BANP: variants seen among roughly 807,000 people sequenced by gnomAD.
The protein encoded by BANP is protein BANP.
In BANP, 11 loss-of-function variants were observed where a neutral mutation model predicts 68.1. The observed-to-expected ratio is 0.16, with a 90% CI of 0.10 to 0.27. The LOEUF is 0.27. Ranked by LOEUF, BANP falls within the 10% of genes least tolerant of loss-of-function variation. The pLI is 1.00. For synonymous variants in BANP, 329 were observed against 303.2 expected, an observed-to-expected ratio of 1.09 and a Z score of -0.88; for missense variants, 504 against 722.7, an observed-to-expected ratio of 0.70 and a Z score of 3.47.
At chr16:87,993,917 G>C (rs902735491) in intron 4 of BANP, among the ~76,000 whole-genome samples, 2 of 152,072 alleles carry the variant, frequency 1.3e-5, no homozygotes, top group African/African-American at 2.4e-5. Context: ...CTTTTTACTT[G>C]CACAGCACTA....
intron 8 of BANP, among the ~76,000 whole-genome samples, chr16:88,030,742 G>A (rs2078000495): frequency 1.3e-5 from 2 of 152,148 alleles, no homozygotes; most frequent in African/African-American, 2.4e-5. Context: ...GAGCTTCCTC[G>A]GAGCCCTTGT....
At chr16:88,014,040 C>A (rs574790791) in intron 6 of BANP, among the ~76,000 whole-genome samples, 1 of 152,168 alleles carries the variant, frequency 6.6e-6, no homozygotes, top group Non-Finnish European at 1.5e-5. Flanking sequence ...ACACTCCAGG[C>A]GGGAGATTCC....
intron 4 of BANP, among the ~76,000 whole-genome samples, chr16:87,991,522 C>G (rs563612345): frequency 6.6e-6 from 1 of 152,346 alleles, no homozygotes; most frequent in Non-Finnish European, 1.5e-5. Flanking sequence ...TATTCTGATT[C>G]ATGAACATGG....
At chr16:87,968,425 G>A (rs1364122674) in intron 1 of BANP, among the ~76,000 whole-genome samples, 1 of 150,050 alleles carries the variant, frequency 6.7e-6, no homozygotes, top group Non-Finnish European at 1.5e-5. Flanking sequence ...CAGAGGTTGC[G>A]GTGAGCTGAG....
At chr16:88,067,395 A>C (rs1188386630) in intron 12 of BANP, among the ~76,000 whole-genome samples, 4 of 151,986 alleles carry the variant, frequency 2.6e-5, no homozygotes. Flanking sequence ...GGCCTCCCTC[A>C]GGGAGGAGAC....
chr16:87,993,994 T>C (rs572553169), intron 4 of BANP, among the ~76,000 whole-genome samples: 8 of 148,418 alleles, frequency 5.4e-5, no homozygotes, highest in African/African-American at 1.6e-4. Context: ...TCTCCGTGAA[T>C]TGAAAGATGA....
chr16:87,971,704 A>G (rs1356633560), intron 1 of BANP, among the ~76,000 whole-genome samples: 1 of 151,078 alleles, frequency 6.6e-6, no homozygotes, highest in Non-Finnish European at 1.5e-5. Flanking sequence ...GTTGTAGTGT[A>G]TTATTTTAAC....
chr16:88,074,046 T>G (rs976809188), intron 13 of BANP, among the ~76,000 whole-genome samples: 10 of 152,222 alleles, frequency 6.6e-5, no homozygotes. Flanking sequence ...CAGGGTGCGT[T>G]AGCTTGTCAC....
chr16:87,952,976 T>A (rs1157490992), intron 1 of BANP, among the ~76,000 whole-genome samples: 1 of 152,136 alleles, frequency 6.6e-6, no homozygotes, highest in Non-Finnish European at 1.5e-5. Context: ...CGCCTTGTTG[T>A]CCAGCCTGGG....
chr16:87,990,104 A>G (rs933525332), intron 4 of BANP, among the ~76,000 whole-genome samples: 8 of 152,368 alleles, frequency 5.3e-5, no homozygotes, highest in African/African-American at 1.7e-4. Flanking sequence ...AACTGAACAT[A>G]CTGACTCGAA....
chr16:88,063,186 G>T (rs2087381005), intron 11 of BANP, among the ~76,000 whole-genome samples: 1 of 152,254 alleles, frequency 6.6e-6, no homozygotes, highest in South Asian at 2.1e-4. Context: ...CTTCATTTCT[G>T]CGTGTTTCAC....
chr16:88,041,710 C>T (rs2080842912), intron 11 of BANP, among the ~76,000 whole-genome samples: 1 of 152,120 alleles, frequency 6.6e-6, no homozygotes, highest in Middle Eastern at 3.2e-3. Context: ...TGCCAACAGT[C>T]GTGGTGCGCG....
At chr16:88,076,341 A>G (rs1210082002) in intron 13 of BANP, among the ~76,000 whole-genome samples, 1 of 118,020 alleles carries the variant, frequency 8.5e-6, no homozygotes, top group Non-Finnish European at 1.8e-5. Context: ...GACGGAGTCC[A>G]TGTCGGGGGC....
At chr16:88,026,408 C>T (rs114373279) in intron 7 of BANP, among the ~76,000 whole-genome samples, 1,974 of 152,300 alleles carry the variant, frequency 0.013, 17 homozygotes, top group African/African-American at 0.024. Context: ...TCTTGCAGTC[C>T]GTTGTCATCA....
At position 88,037,962 on chromosome 16, in the gene BANP, G is replaced by A. The variant is rs368481691; in HGVS notation, c.1273-11G>A. 28 of 1,613,460 alleles carry A rather than the reference G, an allele frequency of 1.7e-5. No homozygotes were observed. Among genetic ancestry groups the A allele is most frequent in the East Asian group, 8.9e-5 (4 of 44,884 alleles). On this transcript the variant is annotated splice_polypyrimidine_tract_variant and intron_variant, in intron 10 of 13. Transcript: ENST00000682872. Reference sequence around the variant, plus strand: ...CTACTCATGACCGTCTCCTCCTCTCGTTCTTTGTAGGGCAACCTCCAGATC... The same window carrying A: ...CTACTCATGACCGTCTCCTCCTCTCATTCTTTGTAGGGCAACCTCCAGATC...
chr16:87,976,062 C>G (rs1166738387), intron 2 of BANP, among the ~76,000 whole-genome samples: 1 of 152,228 alleles, frequency 6.6e-6, no homozygotes, highest in Non-Finnish European at 1.5e-5. Flanking sequence ...GATTCATTCA[C>G]AGGTGCCCCC....
intron 1 of BANP, among the ~76,000 whole-genome samples, chr16:87,962,077 A>G (rs1202828476): frequency 6.6e-6 from 1 of 151,274 alleles, no homozygotes; most frequent in Non-Finnish European, 1.5e-5. Flanking sequence ...TGTCTCTACT[A>G]AAAATACAAA....
intron 1 of BANP, chr16:87,956,722 C>T (rs1244688928): frequency 3.3e-5 from 5 of 151,926 alleles, no homozygotes; most frequent in Admixed American, 6.6e-5. Flanking sequence ...CTCAGGTTTC[C>T]GCCTCTGCAC....
chr16:87,973,343 C>T (rs933109890), intron 1 of BANP, among the ~76,000 whole-genome samples: 2 of 151,958 alleles, frequency 1.3e-5, no homozygotes, highest in African/African-American at 2.4e-5. Context: ...AATAAAAACA[C>T]CTTTGCTATT....
Sources: allele counts gnomAD v4.1 joint callset (sites outside exome capture counted in the v4.1 genomes callset), GRCh38; gene constraint gnomAD v4.1.1; transcripts MANE v1.5; gene names NCBI Gene and HGNC (gene_info 2026-07-23, HGNC 2026-07-21).